RPS29: variants seen among roughly 807,000 people sequenced by gnomAD.
RPS29 encodes ribosomal protein S29.
For synonymous variants in RPS29, 37 were observed against 26.9 expected (o/e 1.37, Z -1.16); for missense variants, 60 against 75.7 (o/e 0.79, Z 0.77).
chr14:49,583,793 T>C (rs1881417060), intron 2 of RPS29, 118 bp from the exon 3 acceptor site: 2 of 635,364 alleles, frequency 3.1e-6, no homozygotes, highest in Non-Finnish European at 5.6e-6. Flanking sequence ...CTTTGACCTA[T>C]CCAAACCACA....
upstream of RPS29, among the ~76,000 whole-genome samples, chr14:49,590,239 A>G (rs1183357663): frequency 1.3e-5 from 2 of 152,182 alleles, no homozygotes; most frequent in African/African-American, 4.8e-5. Context: ...GCACTTTGGG[A>G]GGCTGAGGCA....
intron 1 of RPS29, among the ~76,000 whole-genome samples, chr14:49,594,227 C>A (rs1343059351): frequency 6.6e-6 from 1 of 152,040 alleles, no homozygotes; most frequent in Non-Finnish European, 1.5e-5. Context: ...CCAAAATCAT[C>A]TTTTTACTGA....
At chr14:49,593,682 G>C (rs1038935679) in intron 1 of RPS29, among the ~76,000 whole-genome samples, 2 of 90,624 alleles carry the variant, frequency 2.2e-5, no homozygotes, top group Non-Finnish European at 3.9e-5. Flanking sequence ...GACAGAGCAA[G>C]ACTCTGTCTC....
At chr14:49,577,883 G>C in intron 2 of RPS29, 1 of 1,550,970 alleles carries the variant, frequency 6.4e-7, no homozygotes, top group Non-Finnish European at 8.8e-7. Context: ...CCCATAAAAA[G>C]TGAAAAAGCA....
chr14:49,589,468 CTAT>C (rs745590129), upstream of RPS29, among the ~76,000 whole-genome samples: 1 of 152,162 alleles, frequency 6.6e-6, no homozygotes, highest in Non-Finnish European at 1.5e-5. Flanking sequence ...TGTTAGGACA[CTAT>C]TATTCAAGAT....
At chr14:49,577,714 A>AT (rs1491214596) in exon 3 of RPS29, 2 of 936,496 alleles carry the variant, frequency 2.1e-6, no homozygotes, top group African/African-American at 3.3e-5. Context: ...TAATTTTGAC[A>AT]TATCAGTCTG....
downstream of RPS29, among the ~76,000 whole-genome samples, chr14:49,583,376 C>T (rs188601883): frequency 1.3e-5 from 2 of 152,100 alleles, no homozygotes; most frequent in African/African-American, 4.8e-5. Flanking sequence ...TGGTGAAACC[C>T]CCATCTCTAC....
chr14:49,583,142 G>C (rs945043473), downstream of RPS29, among the ~76,000 whole-genome samples: 3 of 152,112 alleles, frequency 2.0e-5, no homozygotes, highest in Non-Finnish European at 1.5e-5. Flanking sequence ...GTTTTGTAAA[G>C]TATAAAAATA....
At chr14:49,589,158 G>A (rs940517951), upstream of RPS29, among the ~76,000 whole-genome samples, 3 of 152,106 alleles carry the variant, frequency 2.0e-5, no homozygotes, top group Admixed American at 6.5e-5. Context: ...CTCCCAAAGT[G>A]CTGGGATTAC....
upstream of RPS29, among the ~76,000 whole-genome samples, chr14:49,588,960 C>A (rs1001140661): frequency 7.4e-6 from 1 of 134,530 alleles, no homozygotes; most frequent in African/African-American, 2.7e-5. Context: ...GGTGCGATCT[C>A]GGCCCACTGC....
At chr14:49,571,343 T>C (rs910032342) in exon 3 of RPS29, 1 of 152,244 alleles carries the variant, frequency 6.6e-6, no homozygotes, top group African/African-American at 2.4e-5. Flanking sequence ...GTGCACAGTA[T>C]GTTTTCACAT....
At chr14:49,575,050 T>A (rs1881143301) in exon 3 of RPS29, 1 of 151,634 alleles carries the variant, frequency 6.6e-6, no homozygotes, top group South Asian at 2.1e-4. Flanking sequence ...TTTCTTTATC[T>A]TTTTTTTTGA....
chr14:49,595,936 C>G lies in RPS29; in HGVS notation c.-133+2464G>C, dbSNP rs570112951. 8.4e-4 allele frequency among the ~76,000 whole-genome samples: 116 copies of G among 138,862 alleles called. 1 individual carries two copies. Among genetic ancestry groups the G allele is most frequent in the African/African-American group, 2.9e-3 (109 of 37,668 alleles). 91.1% of individuals were successfully genotyped at this position (138,862 alleles called of 152,430 possible). A position where few individuals can be genotyped will look rare whatever the true frequency, so the allele number is the denominator to read the frequency against. Reference sequence around the variant, plus strand: ...GCTGAGGCAGGAGAATCGCTTGAGCCGGGGAGGCTGAGGTTGCAGTGAGGC... The same window carrying G: ...GCTGAGGCAGGAGAATCGCTTGAGCGGGGGAGGCTGAGGTTGCAGTGAGGC... On this transcript the variant is annotated intron_variant, in intron 1 of 3. Transcript: ENST00000556230.
chr14:49,574,354 G>A (rs996633995), exon 3 of RPS29: 15 of 151,962 alleles, frequency 9.9e-5, no homozygotes, highest in Admixed American at 2.6e-4. Flanking sequence ...TTATTTCATC[G>A]CTGTTACAGT....
At chr14:49,576,414 A>G (rs1881181970) in exon 3 of RPS29, 1 of 151,886 alleles carries the variant, frequency 6.6e-6, no homozygotes, top group Non-Finnish European at 1.5e-5. Flanking sequence ...CTTTTTTTCA[A>G]TTTTTGTCAA....
chr14:49,586,693 C>T (rs536506025), upstream of RPS29: 2 of 278,782 alleles, frequency 7.2e-6, no homozygotes, highest in Admixed American at 4.3e-5. Flanking sequence ...CGGGTGTCCG[C>T]ACTAAGTTCG....
intron 2 of RPS29, chr14:49,585,192 AC>A (rs1333626437): frequency 2.0e-5 from 3 of 151,830 alleles, no homozygotes; most frequent in African/African-American, 7.3e-5. Flanking sequence ...ACATGGTAAA[AC>A]CCCGTCTCTA....
At chr14:49,598,284 G>C (rs914149046) in intron 1 of RPS29, 2 of 595,918 alleles carry the variant, frequency 3.4e-6, no homozygotes, top group Non-Finnish European at 3.0e-6. Flanking sequence ...CTCCCCAGCC[G>C]GGCCCCGTCC....
Position 49,586,347 on chromosome 14 carries a change from C to G in RPS29, c.-1G>C, listed in dbSNP as rs767491858. 1 of 1,613,938 alleles carries G rather than the reference C, an allele frequency of 6.2e-7. No individual in the cohort carries two copies. Among genetic ancestry groups the G allele is most frequent in the Non-Finnish European group, 8.5e-7 (1 of 1,179,772 alleles). On this transcript the variant is annotated 5_prime_UTR_variant, in exon 1 of 3. Coordinates refer to ENST00000245458, the MANE Select transcript of RPS29 (RefSeq NM_001032.5). ...TCCAGTACAGCTGCTGGTGACCCAT[C>G]TTGCTCTCAGCAGTGCAACGAGGTA...
Sources: allele counts gnomAD v4.1 joint callset (sites outside exome capture counted in the v4.1 genomes callset), GRCh38; gene constraint gnomAD v4.1.1; transcripts MANE v1.5; gene names NCBI Gene and HGNC (gene_info 2026-07-23, HGNC 2026-07-21).